Variants in CACNA1G observed in about 807,000 individuals in gnomAD.
CACNA1G encodes the protein calcium voltage-gated channel subunit alpha1 G.
In CACNA1G, 67 loss-of-function variants were observed where a neutral mutation model predicts 219.4. That is an observed-to-expected ratio of 0.31 (90% confidence interval 0.25 to 0.37). The LOEUF (loss-of-function observed/expected upper bound fraction) is 0.37. Ranked by LOEUF, CACNA1G falls within the 10% of genes least tolerant of loss-of-function variation. The pLI is 1.00. For missense variants in CACNA1G, 2,380 were observed against 3,231.4 expected, an observed-to-expected ratio of 0.74 and a Z score of 6.39; for synonymous variants, 1,296 against 1,345.3, an observed-to-expected ratio of 0.96 and a Z score of 0.80.
chr17:50,623,811 C>CG (rs1051707820), intron 35 of CACNA1G, 96 bp from the exon 36 acceptor site: 93 of 1,309,580 alleles, frequency 7.1e-5, no homozygotes, highest in Non-Finnish European at 8.9e-5. Context: ...GAGGGCTGGG[C>CG]GGGGGGCGCT....
Position 50,602,811 on chromosome 17 carries a change from C to T in CACNA1G, c.3916-9C>T, listed in dbSNP as rs1455800666. On this transcript the variant is annotated splice_polypyrimidine_tract_variant and intron_variant, in intron 19 of 37. Coordinates refer to ENST00000359106, the MANE Select transcript of CACNA1G (RefSeq NM_018896.5). Reference sequence around the variant, plus strand: ...CTGGCGGGCAACCCCTGCCTCCCCTCTCTTGCAGGAACGCATCTTCCTGAC... The same window carrying T: ...CTGGCGGGCAACCCCTGCCTCCCCTTTCTTGCAGGAACGCATCTTCCTGAC... 1 of 1,613,614 alleles carries T rather than the reference C, an allele frequency of 6.2e-7. No homozygotes were observed. The highest frequency in any genetic ancestry group is 2.2e-5 in the East Asian group (1 of 44,882).
Position 50,603,384 on chromosome 17 carries a change from C to T in CACNA1G, c.4169+185C>T, listed in dbSNP as rs1354632051. On this transcript the variant is annotated intron_variant, in intron 21 of 37. Coordinates refer to ENST00000359106, the MANE Select transcript of CACNA1G (RefSeq NM_018896.5). The surrounding 1 kb of genome is among the most constrained non-coding windows in gnomAD (Gnocchi z 6.4). Reference sequence around the variant, plus strand: ...TCAGATTACGGCCGCAGTAATTTCCCTCCAGGTGCACACCTGCTTTCCTCC... The same window carrying T: ...TCAGATTACGGCCGCAGTAATTTCCTTCCAGGTGCACACCTGCTTTCCTCC... Among the ~76,000 whole-genome samples the T allele has an allele frequency of 1.3e-5, 2 of 152,208 alleles. No individual in the cohort carries two copies. Among genetic ancestry groups the T allele is most frequent in the Non-Finnish European group, 2.9e-5 (2 of 68,026 alleles).
At chr17:50,615,634 G>T in intron 27 of CACNA1G, 122 bp downstream of exon 27, 1 of 1,029,048 alleles carries the variant, frequency 9.7e-7, no homozygotes, top group Admixed American at 2.6e-5. Context: ...ACACTACATG[G>T]GTTCCTCTTG....
In CACNA1G at chr17:50,603,183, A is replaced by G; in HGVS notation, c.4153A>G (p.Thr1385Ala). ...GMLRVLRLLR[T>A]LRPLRVISRA... The stretch of plus-strand genomic sequence containing the variant: ...GCTGAGGGTGCTGCGGCTGCTGCGG[A>G]CCCTGCGCCCGCTCAGGTGACTCCC... Residue 1385 changes from threonine (T) to alanine (A), a missense_variant, in exon 21 of 38, where the codon ACC (threonine) becomes GCC (alanine). By Grantham distance (58) the Thr-to-Ala change is moderately conservative. This residue lies in a region of CACNA1G where 153 missense variants were observed against 374.9 expected (regional missense o/e 0.41). Coordinates refer to ENST00000359106, the MANE Select transcript of CACNA1G (RefSeq NM_018896.5). The surrounding 1 kb of genome is among the most constrained non-coding windows in gnomAD (Gnocchi z 6.4). The G allele has an allele frequency of 6.2e-7, 1 of 1,605,128 alleles. No homozygotes were observed. Among genetic ancestry groups the G allele is most frequent in the Non-Finnish European group, 8.5e-7 (1 of 1,179,556 alleles).
chr17:50,618,751 C>T lies in CACNA1G; in HGVS notation c.5524C>T (p.Leu1842=), dbSNP rs959926302. The stretch of plus-strand genomic sequence containing the variant: ...CTTCGTGCTGACGGCCCAGTTCGTG[C>T]TAGTCAACGTGGTGATCGCCGTGCT... ...VSFVLTAQFV[L]VNVVIAVLMK... is the part of the protein sequence containing the mutation. Residue 1842 remains leucine (L), a synonymous_variant, in exon 33 of 38, where the codon CTA becomes TTA. Coordinates refer to ENST00000359106, the MANE Select transcript of CACNA1G (RefSeq NM_018896.5). This position sits in a 1 kb window ranked among gnomAD's most constrained non-coding sequence, Gnocchi z 5.3. 6.8e-6 allele frequency: 11 copies of T among 1,613,886 alleles called. No individual in the cohort carries two copies. The highest frequency in any genetic ancestry group is 9.3e-6 in the Non-Finnish European group (11 of 1,179,898).
At chr17:50,566,284 C>A (rs1171149392) in intron 1 of CACNA1G, among the ~76,000 whole-genome samples, 2 of 151,858 alleles carry the variant, frequency 1.3e-5, no homozygotes, top group Non-Finnish European at 2.9e-5. Flanking sequence ...GGAAACAAGC[C>A]CTACTCTGAG....
chr17:50,617,236 T>A lies in CACNA1G; in HGVS notation c.5022-202T>A, dbSNP rs997224200. On this transcript the variant is annotated intron_variant, in intron 28 of 37. Coordinates refer to ENST00000359106, the MANE Select transcript of CACNA1G (RefSeq NM_018896.5). This position sits in a 1 kb window ranked among gnomAD's most constrained non-coding sequence, Gnocchi z 5.8. ...ATGAATACAAATGAAAAGCAGAGGC[T>A]TTTGAGCTAAAGTCCTAGTCCTACT... Among the ~76,000 whole-genome samples, 2 of 152,204 alleles carry A rather than the reference T, an allele frequency of 1.3e-5. No homozygotes were observed. The highest frequency in any genetic ancestry group is 4.8e-5 in the African/African-American group (2 of 41,454).
At chr17:50,616,617 A>G (rs1228738636) in intron 28 of CACNA1G, among the ~76,000 whole-genome samples, 1 of 152,156 alleles carries the variant, frequency 6.6e-6, no homozygotes, top group Non-Finnish European at 1.5e-5. Context: ...GGATGCTGGC[A>G]GCTAGAAATC....
chr17:50,610,819 C>G (rs1239056586), intron 26 of CACNA1G, among the ~76,000 whole-genome samples: 1 of 152,186 alleles, frequency 6.6e-6, no homozygotes, highest in Non-Finnish European at 1.5e-5. Flanking sequence ...AGAGGCGCAT[C>G]TAATTGCTAA....
intron 9 of CACNA1G, among the ~76,000 whole-genome samples, chr17:50,586,005 G>A (rs562813548): frequency 1.3e-5 from 2 of 152,294 alleles, no homozygotes; most frequent in South Asian, 4.1e-4. Flanking sequence ...ACGAGTGACT[G>A]GTCCAAGCCT....
Position 50,619,766 on chromosome 17 carries a change from C to T in CACNA1G, c.5865C>T (p.Gly1955=). Residue 1955 remains glycine, a synonymous_variant, in exon 34 of 38, where the codon GGC becomes GGT. Coordinates refer to ENST00000359106, the MANE Select transcript of CACNA1G (RefSeq NM_018896.5). ...TGAAGCTGATGGACGAGCTGGCAGG[C>T]CCAGGGGGCCAGCCCTCTGCCTTCC... ...WELKLMDELA[G]PGGQPSAFPS... 1 of 1,608,092 alleles carries T rather than the reference C, an allele frequency of 6.2e-7. No homozygotes were observed. Among genetic ancestry groups the T allele is most frequent in the South Asian group, 1.1e-5 (1 of 90,240 alleles).
intron 9 of CACNA1G, among the ~76,000 whole-genome samples, chr17:50,583,117 C>T (rs1472871165): frequency 6.6e-6 from 1 of 152,156 alleles, no homozygotes; most frequent in African/African-American, 2.4e-5. Context: ...TATGCCTGGA[C>T]ACCCTAAATG....
intron 26 of CACNA1G, among the ~76,000 whole-genome samples, chr17:50,614,897 G>A (rs2050110713): frequency 6.6e-6 from 1 of 152,252 alleles, no homozygotes; most frequent in South Asian, 2.1e-4. Context: ...TCCCAGCTCT[G>A]TGTAATCTCC....
At chr17:50,572,082 G>C (rs2039557006) in intron 5 of CACNA1G, 45 bp downstream of exon 5, 1 of 1,583,650 alleles carries the variant, frequency 6.3e-7, no homozygotes, top group Non-Finnish European at 8.6e-7. Context: ...AGTGGTTATG[G>C]GGCTGGGCAC....
intron 26 of CACNA1G, among the ~76,000 whole-genome samples, chr17:50,614,488 C>G (rs956083645): frequency 6.6e-6 from 1 of 152,210 alleles, no homozygotes; most frequent in African/African-American, 2.4e-5. Flanking sequence ...TGGAAGAGGG[C>G]CCCCCTGAAA....
intron 1 of CACNA1G, among the ~76,000 whole-genome samples, chr17:50,565,381 G>GT (rs1241137231): frequency 6.4e-5 from 6 of 93,238 alleles, no homozygotes; most frequent in Admixed American, 1.1e-4. Context: ...GGCTTGTGGG[G>GT]TGGGGCGGGG....
chr17:50,624,455 C>G lies in CACNA1G; in HGVS notation c.6325C>G (p.Pro2109Ala), dbSNP rs766162816. ...APHLLQPHSA[P>A]TWGTIPKLPP... is the part of the protein sequence containing the mutation. ...TCATCTGCTCCAGCCCCACAGCGCC[C>G]CAACCTGGGGCACCATCCCCAAACT... Residue 2109 changes from proline to alanine, a missense_variant, in exon 37 of 38, where the codon CCA becomes GCA. Transcript: ENST00000359106. The G allele has an allele frequency of 1.9e-6, 3 of 1,601,302 alleles. No individual in the cohort carries two copies. In the East Asian group the frequency reaches 6.8e-5, roughly 36 times the overall value.
chr17:50,619,600 C>A (rs185773609), intron 33 of CACNA1G, 83 bp from the exon 34 acceptor site: 10 of 1,303,622 alleles, frequency 7.7e-6, no homozygotes, highest in Middle Eastern at 1.9e-4. Flanking sequence ...TCTTGTCAAT[C>A]CCCTTCCACG....
intron 26 of CACNA1G, among the ~76,000 whole-genome samples, chr17:50,614,436 A>G (rs76243375): frequency 0.022 from 3,282 of 152,208 alleles, 127 homozygotes; most frequent in African/African-American, 0.074. Context: ...ACTTCCTCCC[A>G]AGAACATGTG....
Sources: allele counts gnomAD v4.1 joint callset (sites outside exome capture counted in the v4.1 genomes callset), GRCh38; gene constraint gnomAD v4.1.1; regional missense constraint gnomAD v4.1.1; non-coding constraint Gnocchi (gnomAD v3.1); transcripts MANE v1.5; gene names NCBI Gene and HGNC (gene_info 2026-07-23, HGNC 2026-07-21).